EXT1: variants seen among roughly 807,000 people sequenced by gnomAD.
The protein encoded by EXT1 is exostosin-1.
EXT1 carries 20 observed loss-of-function variants against 82.5 expected under a neutral mutation model. The observed-to-expected ratio is 0.24, with a 90% CI of 0.17 to 0.35. The LOEUF (loss-of-function observed/expected upper bound fraction) is 0.35. EXT1 is among the 10% of genes least tolerant of loss of function. The pLI is 1.00. For missense variants in EXT1, 757 were observed against 936.5 expected, an observed-to-expected ratio of 0.81 and a Z score of 2.50; for synonymous variants, 348 against 350.8, an observed-to-expected ratio of 0.99 and a Z score of 0.09.
intron 1 of EXT1, among the ~76,000 whole-genome samples, chr8:117,991,902 T>C (rs1433048906): frequency 6.6e-6 from 1 of 152,178 alleles, no homozygotes; most frequent in Non-Finnish European, 1.5e-5. Flanking sequence ...TTGAGTCTAA[T>C]AAGGGAATGG....
At chr8:118,103,916 C>CA (rs1817766614) in intron 1 of EXT1, among the ~76,000 whole-genome samples, 1 of 152,158 alleles carries the variant, frequency 6.6e-6, no homozygotes, top group African/African-American at 2.4e-5. Flanking sequence ...TAAAGTAAAG[C>CA]AATGGAAAAA....
At chr8:117,899,337 G>A (rs1813400001) in intron 1 of EXT1, among the ~76,000 whole-genome samples, 1 of 152,224 alleles carries the variant, frequency 6.6e-6, no homozygotes, top group South Asian at 2.1e-4. Context: ...GAGGAAAACA[G>A]AAAAGTGACC....
intron 1 of EXT1, among the ~76,000 whole-genome samples, chr8:117,981,183 G>A (rs1257956212): frequency 1.3e-5 from 2 of 152,124 alleles, no homozygotes; most frequent in South Asian, 2.1e-4. Context: ...CTCTTTATAT[G>A]AAGTCAGCAG....
chr8:117,995,418 G>C (rs1276461767), intron 1 of EXT1, among the ~76,000 whole-genome samples: 1 of 152,170 alleles, frequency 6.6e-6, no homozygotes, highest in Non-Finnish European at 1.5e-5. Flanking sequence ...ATCCCCTTGG[G>C]CTATGGATTT....
At chr8:117,851,560 T>C (rs1479824285) in intron 1 of EXT1, among the ~76,000 whole-genome samples, 2 of 151,426 alleles carry the variant, frequency 1.3e-5, no homozygotes, top group Non-Finnish European at 2.9e-5. Flanking sequence ...AATCCTACCA[T>C]GTTCCATTAG....
chr8:118,012,716 C>A (rs1163407490), intron 1 of EXT1, among the ~76,000 whole-genome samples: 2 of 152,170 alleles, frequency 1.3e-5, no homozygotes, highest in African/African-American at 4.8e-5. Flanking sequence ...GGGCAGCCTG[C>A]AACAATGATG....
intron 1 of EXT1, among the ~76,000 whole-genome samples, chr8:118,044,081 C>T (rs910439635): frequency 3.3e-5 from 5 of 152,150 alleles, no homozygotes; most frequent in Admixed American, 1.3e-4. Context: ...TTAAGATAAT[C>T]GCAGTTAAAC....
chr8:117,882,200 C>T (rs1813072838), intron 1 of EXT1, among the ~76,000 whole-genome samples: 1 of 152,190 alleles, frequency 6.6e-6, no homozygotes, highest in Non-Finnish European at 1.5e-5. Flanking sequence ...CCCACCTCAG[C>T]CTCCTGAGTA....
intron 1 of EXT1, among the ~76,000 whole-genome samples, chr8:117,939,402 T>C (rs1352974413): frequency 6.6e-6 from 1 of 151,912 alleles, no homozygotes; most frequent in Non-Finnish European, 1.5e-5. Context: ...AAACCCTGTC[T>C]CTACCAAAAA....
chr8:118,031,710 C>T (rs947394962), intron 1 of EXT1, among the ~76,000 whole-genome samples: 1 of 151,940 alleles, frequency 6.6e-6, no homozygotes, highest in African/African-American at 2.4e-5. Context: ...GAGAAGTAAA[C>T]AAGGGCTTAT....
At chr8:117,823,142 A>T (rs1412421428) in intron 4 of EXT1, among the ~76,000 whole-genome samples, 1 of 152,134 alleles carries the variant, frequency 6.6e-6, no homozygotes, top group African/African-American at 2.4e-5. Flanking sequence ...AGTCAATTGG[A>T]GGACTTTGGG....
chr8:117,950,253 T>G (rs567535921), intron 1 of EXT1, among the ~76,000 whole-genome samples: 253 of 151,650 alleles, frequency 1.7e-3, no homozygotes, highest in African/African-American at 5.4e-3. Context: ...ACAAAATAAA[T>G]AAAATAAAAT....
intron 1 of EXT1, among the ~76,000 whole-genome samples, chr8:118,098,061 A>C (rs1221207810): frequency 6.6e-6 from 1 of 152,042 alleles, no homozygotes; most frequent in Non-Finnish European, 1.5e-5. Context: ...GGGGATGAGA[A>C]GGCAGGCAGA....
rs7843780 is a variant in EXT1, at chr8:117,913,589, G to C, written c.963-76388C>G. On this transcript the variant is annotated intron_variant, in intron 1 of 10. Coordinates refer to ENST00000378204, the MANE Select transcript of EXT1 (RefSeq NM_000127.3). ...GGAGACGCTAACCCAGTTTGGTCCT[G>C]AGCTGGTTTCCATCTCCATGATTCA... 6.1e-3 allele frequency among the ~76,000 whole-genome samples: 932 copies of C among 152,294 alleles called. 3 individuals are homozygous for C. Among genetic ancestry groups the C allele is most frequent in the African/African-American group, 0.01 (428 of 41,552 alleles).
chr8:117,864,801 A>C (rs891619732), intron 1 of EXT1, among the ~76,000 whole-genome samples: 1 of 151,672 alleles, frequency 6.6e-6, no homozygotes, highest in Admixed American at 6.6e-5. Flanking sequence ...ATGCTTCAGG[A>C]AAGTTATGAA....
At chr8:117,973,498 C>T (rs1814982696) in intron 1 of EXT1, among the ~76,000 whole-genome samples, 1 of 152,088 alleles carries the variant, frequency 6.6e-6, no homozygotes, top group South Asian at 2.1e-4. Context: ...TAACACAGGG[C>T]CTCTACATCT....
intron 1 of EXT1, among the ~76,000 whole-genome samples, chr8:117,979,772 A>G (rs1354898165): frequency 2.0e-5 from 3 of 152,352 alleles, no homozygotes; most frequent in South Asian, 2.1e-4. Context: ...AAGCACTGCA[A>G]TAGAACAGAA....
At chr8:117,948,003 T>A (rs181773682) in intron 1 of EXT1, among the ~76,000 whole-genome samples, 120 of 152,240 alleles carry the variant, frequency 7.9e-4, no homozygotes, top group Non-Finnish European at 1.4e-3. Flanking sequence ...CCTCCAGTGA[T>A]GAATGAGGAA....
chr8:117,962,765 ACC>A (rs372444238), intron 1 of EXT1, among the ~76,000 whole-genome samples: 1,092 of 56,978 alleles, frequency 0.019, 40 homozygotes, highest in African/African-American at 0.092. Flanking sequence ...CACACCCCCC[ACC>A]CCCAAAAAAA....
Sources: gnomAD v4.1 joint callset for allele counts (sites outside exome capture counted in the v4.1 genomes callset) on GRCh38, gnomAD v4.1.1 for gene constraint, MANE v1.5 for transcripts, NCBI Gene and HGNC (gene_info 2026-07-23, HGNC 2026-07-21) for gene names.